SUDS3: variants seen among roughly 807,000 people sequenced by gnomAD.
SUDS3 encodes the protein SIN3A corepressor complex component SDS3.
Under a neutral mutation model 53.5 loss-of-function variants are expected in SUDS3, and 23 were observed. That is an observed-to-expected ratio of 0.43 (90% CI 0.31 to 0.61). The LOEUF (loss-of-function observed/expected upper bound fraction) is 0.61, where lower values mean the gene tolerates loss of function less well. SUDS3 is among the 20% of genes least tolerant of loss of function. SUDS3 has a pLI of 0.10. For missense variants in SUDS3, 291 were observed against 405.9 expected (o/e 0.72, Z 2.43); for synonymous variants, 150 against 148.5 (o/e 1.01, Z -0.08).
chr12:118,381,620 C>T (rs2046060586), intron 2 of SUDS3, among the ~76,000 whole-genome samples: 8 of 152,072 alleles, frequency 5.3e-5, no homozygotes. Flanking sequence ...CTCTTGACCT[C>T]AGGTGATCCA....
chr12:118,410,863 C>T (rs2046353684), intron 10 of SUDS3, among the ~76,000 whole-genome samples: 1 of 152,178 alleles, frequency 6.6e-6, no homozygotes, highest in South Asian at 2.1e-4. Flanking sequence ...TCCCAAAGTG[C>T]TGGGATTACA....
chr12:118,412,235 TAGTTAA>T (rs1177803834), intron 11 of SUDS3, among the ~76,000 whole-genome samples: 1 of 152,160 alleles, frequency 6.6e-6, no homozygotes, highest in Admixed American at 6.5e-5. Context: ...CTTATGTTGT[TAGTTAA>T]AGTTAAAAAC....
At chr12:118,403,313 A>C in intron 9 of SUDS3, 99 bp from the exon 10 acceptor site, 1 of 914,828 alleles carries the variant, frequency 1.1e-6, no homozygotes, top group East Asian at 2.6e-5. Flanking sequence ...AGTGATGATT[A>C]TTACCACATT....
At chr12:118,409,065 C>T (rs1359695705) in intron 10 of SUDS3, among the ~76,000 whole-genome samples, 4 of 152,102 alleles carry the variant, frequency 2.6e-5, no homozygotes, top group East Asian at 1.9e-4. Flanking sequence ...GGTCCCCTGC[C>T]AGTTTACCAA....
intron 6 of SUDS3, 48 bp downstream of exon 6, chr12:118,391,330 G>C (rs764198434): frequency 6.4e-7 from 1 of 1,554,938 alleles, no homozygotes; most frequent in East Asian, 2.2e-5. Flanking sequence ...GAGCGGGGGG[G>C]TGTGAAGGGC....
intron 5 of SUDS3, 50 bp from the exon 6 acceptor site, chr12:118,391,076 C>A: frequency 6.2e-7 from 1 of 1,606,256 alleles, no homozygotes; most frequent in Non-Finnish European, 8.5e-7. Flanking sequence ...GAGTTGGAGC[C>A]CTGGCTCCCA....
chr12:118,388,605 A>G (rs2046135700), intron 4 of SUDS3, among the ~76,000 whole-genome samples: 1 of 152,122 alleles, frequency 6.6e-6, no homozygotes, highest in Admixed American at 6.5e-5. Flanking sequence ...GTGCTGTTAG[A>G]TGGGTGCTTT....
intron 10 of SUDS3, among the ~76,000 whole-genome samples, chr12:118,408,866 A>G (rs2046332499): frequency 6.6e-6 from 1 of 152,196 alleles, no homozygotes; most frequent in Admixed American, 6.5e-5. Flanking sequence ...GTCCCTTTAG[A>G]ACAACTGTGA....
At chr12:118,411,183 AG>A (rs2046356256) in intron 11 of SUDS3, 26 bp downstream of exon 11, 1 of 1,566,340 alleles carries the variant, frequency 6.4e-7, no homozygotes, top group South Asian at 1.2e-5. Context: ...CCTCACCTTT[AG>A]GGAAGCAAAA....
intron 6 of SUDS3, among the ~76,000 whole-genome samples, chr12:118,397,424 CCTT>C (rs754816902): frequency 6.6e-6 from 1 of 152,158 alleles, no homozygotes; most frequent in Non-Finnish European, 1.5e-5. Flanking sequence ...CAGACTCCAT[CCTT>C]CTATGAAAAA....
chr12:118,397,617 G>C (rs1441116069), intron 6 of SUDS3, among the ~76,000 whole-genome samples: 1 of 152,140 alleles, frequency 6.6e-6, no homozygotes, highest in African/African-American at 2.4e-5. Context: ...TGGAGATGGA[G>C]ACATGCTGAT....
chr12:118,401,318 C>G (rs542431452), intron 7 of SUDS3, among the ~76,000 whole-genome samples: 1 of 152,268 alleles, frequency 6.6e-6, no homozygotes, highest in East Asian at 1.9e-4. Context: ...CCCAAAATGG[C>G]TTAGTCATTT....
chr12:118,399,426 G>A (rs886248706), intron 6 of SUDS3, among the ~76,000 whole-genome samples: 4 of 152,162 alleles, frequency 2.6e-5, no homozygotes, highest in Non-Finnish European at 5.9e-5. Flanking sequence ...CGTTTGAACC[G>A]GGGAGGCAGA....
At chr12:118,400,178 G>A (rs2046251592) in intron 6 of SUDS3, among the ~76,000 whole-genome samples, 1 of 152,148 alleles carries the variant, frequency 6.6e-6, no homozygotes, top group Non-Finnish European at 1.5e-5. Flanking sequence ...GTCTGTAAAT[G>A]AAAACTTCGT....
At chr12:118,384,659 C>T (rs563101409) in intron 3 of SUDS3, among the ~76,000 whole-genome samples, 4 of 152,124 alleles carry the variant, frequency 2.6e-5, no homozygotes, top group East Asian at 1.9e-4. Flanking sequence ...GGTGAAACCC[C>T]GTCTCTACTG....
intron 6 of SUDS3, among the ~76,000 whole-genome samples, chr12:118,392,474 G>A (rs2046176270): frequency 6.6e-6 from 1 of 152,230 alleles, no homozygotes; most frequent in Admixed American, 6.5e-5. Flanking sequence ...CATAGAGAGA[G>A]TTGGCAAAAG....
At chr12:118,377,280 T>C (rs183095425) in intron 1 of SUDS3, among the ~76,000 whole-genome samples, 2 of 151,712 alleles carry the variant, frequency 1.3e-5, no homozygotes, top group South Asian at 2.1e-4. Flanking sequence ...AGAACTCAGG[T>C]TGGTTAAAGG....
intron 2 of SUDS3, among the ~76,000 whole-genome samples, chr12:118,383,500 A>G (rs146898051): frequency 1.3e-5 from 2 of 152,288 alleles, no homozygotes; most frequent in Non-Finnish European, 2.9e-5. Flanking sequence ...CTGAATTACT[A>G]TTATTTCTCT....
chr12:118,389,295 C>G (rs1302495613), intron 4 of SUDS3, among the ~76,000 whole-genome samples: 1 of 152,060 alleles, frequency 6.6e-6, no homozygotes, highest in Non-Finnish European at 1.5e-5. Context: ...TCCCTGGTGC[C>G]AAAAAGGTTG....
Sources: allele counts gnomAD v4.1 joint callset (sites outside exome capture counted in the v4.1 genomes callset), GRCh38; gene constraint gnomAD v4.1.1; transcripts MANE v1.5; gene names NCBI Gene and HGNC (gene_info 2026-07-23, HGNC 2026-07-21).